Variants in GRIN2A observed in about 807,000 individuals in gnomAD.
GRIN2A encodes the protein glutamate receptor ionotropic, NMDA 2A.
A neutral mutation model predicts 113.4 loss-of-function variants in GRIN2A; 22 were observed. The ratio of observed to expected loss-of-function variants is 0.19; its 90% confidence interval spans 0.14 to 0.28. The LOEUF (loss-of-function observed/expected upper bound fraction) is 0.28, where lower values mean the gene tolerates loss of function less well. GRIN2A is among the 10% of genes least tolerant of loss of function. GRIN2A has a pLI of 1.00. For synonymous variants in GRIN2A, 827 were observed against 738.4 expected (o/e 1.12, Z -1.94); for missense variants, 1,502 against 1,887.0 (o/e 0.80, Z 3.78).
At chr16:10,110,154 T>C (rs2048585037) in intron 2 of GRIN2A, among the ~76,000 whole-genome samples, 1 of 143,786 alleles carries the variant, frequency 7.0e-6, no homozygotes, top group African/African-American at 2.6e-5. Context: ...AAAACAGAAA[T>C]AACCTGTCAA....
intron 2 of GRIN2A, among the ~76,000 whole-genome samples, chr16:10,085,002 T>C (rs994012762): frequency 7.2e-5 from 11 of 152,228 alleles, no homozygotes; most frequent in African/African-American, 2.7e-4. Context: ...TTATGTATAT[T>C]AACTCATATA....
At chr16:10,045,579 G>A (rs1596458776) in intron 2 of GRIN2A, among the ~76,000 whole-genome samples, 2 of 152,320 alleles carry the variant, frequency 1.3e-5, no homozygotes, top group African/African-American at 4.8e-5. Context: ...GTTTGGCAGT[G>A]AGCCTGATGA....
At position 10,157,009 on chromosome 16, in the gene GRIN2A, T is replaced by C. The variant is rs2049712358; in HGVS notation, c.414+22989A>G. ...GGGGCAGACTGAGGTGATTCTTGGA[T>C]GCCTGGCTAAGGGTTTAGAATTTAC... is the stretch of plus-strand genomic sequence containing the variant. On this transcript the variant is annotated intron_variant, in intron 2 of 12. Coordinates refer to ENST00000330684, the MANE Select transcript of GRIN2A (RefSeq NM_001134407.3). Among the ~76,000 whole-genome samples the C allele has an allele frequency of 1.3e-5, 2 of 152,190 alleles. 1 individual carries two copies. Among genetic ancestry groups the C allele is most frequent in the South Asian group, 4.1e-4 (2 of 4,822 alleles).
intron 2 of GRIN2A, among the ~76,000 whole-genome samples, chr16:9,973,023 G>T (rs1000249170): frequency 2.6e-5 from 4 of 152,194 alleles, no homozygotes; most frequent in African/African-American, 9.6e-5. Context: ...TCCTCCTGCT[G>T]TGAGTCCGTT....
At chr16:9,976,520 A>G (rs909097947) in intron 2 of GRIN2A, among the ~76,000 whole-genome samples, 2 of 152,186 alleles carry the variant, frequency 1.3e-5, no homozygotes, top group African/African-American at 4.8e-5. Context: ...CCTCCTCTTT[A>G]AAGTTGGCGT....
At position 9,764,379 on chromosome 16, in the gene GRIN2A, C is replaced by G. The variant is rs747468312; in HGVS notation, c.3165G>C (p.Glu1055Asp). ...SLKSPRYLPE[E>D]MAHSDISETS... ...TTTCTGAAATGTCAGAGTGGGCCAT[C>G]TCTTCTGGAAGATACCTAGGGCTCT... Residue 1055 changes from glutamate (E) to aspartate (D), a missense_variant, in exon 13 of 13, where the codon GAG (glutamate) becomes GAC (aspartate). Physicochemically the swap from Glu to Asp is conservative, Grantham distance 45 (BLOSUM62 2). Transcript: ENST00000330684. The G allele has an allele frequency of 2.5e-6, 4 of 1,614,128 alleles. No homozygotes were observed. The highest frequency in any genetic ancestry group is 3.4e-6 in the Non-Finnish European group (4 of 1,180,006).
At chr16:9,932,136 G>A (rs2044606801) in intron 3 of GRIN2A, among the ~76,000 whole-genome samples, 1 of 152,200 alleles carries the variant, frequency 6.6e-6, no homozygotes, top group Non-Finnish European at 1.5e-5. Context: ...TTGGGAGGCT[G>A]GGCCTCTACT....
chr16:9,993,749 A>T (rs1322680466), intron 2 of GRIN2A, among the ~76,000 whole-genome samples: 1 of 152,136 alleles, frequency 6.6e-6, no homozygotes, highest in Non-Finnish European at 1.5e-5. Context: ...GAGAACTCAG[A>T]CTAAAACCTA....
At chr16:10,104,613 T>G (rs1567301822) in intron 2 of GRIN2A, among the ~76,000 whole-genome samples, 1 of 152,226 alleles carries the variant, frequency 6.6e-6, no homozygotes, top group Non-Finnish European at 1.5e-5. Context: ...TCTATGTGTA[T>G]TTTTATTTTT....
chr16:10,102,512 T>A lies in GRIN2A; in HGVS notation c.414+77486A>T, dbSNP rs140870973. On this transcript the variant is annotated intron_variant, in intron 2 of 12. Coordinates refer to ENST00000330684, the MANE Select transcript of GRIN2A (RefSeq NM_001134407.3). ...TCTCTTCTTTACAAATTACCTAATG[T>A]TGGGTATTTCTTTCTTCTTTTTTTC... Among the ~76,000 whole-genome samples the A allele has an allele frequency of 8.9e-3, 1,355 of 152,154 alleles. 20 individuals are homozygous for A. Among genetic ancestry groups the A allele is most frequent in the African/African-American group, 0.031 (1,291 of 41,518 alleles).
At chr16:9,870,136 G>A (rs548739033) in intron 4 of GRIN2A, among the ~76,000 whole-genome samples, 9 of 152,230 alleles carry the variant, frequency 5.9e-5, no homozygotes, top group Admixed American at 2.0e-4. Flanking sequence ...CGGAGAAGGC[G>A]GTCCTGCCAA....
chr16:9,774,999 A>T (rs189766842), intron 11 of GRIN2A, among the ~76,000 whole-genome samples: 1 of 152,102 alleles, frequency 6.6e-6, no homozygotes, highest in East Asian at 1.9e-4. Context: ...TTGCCCTAAG[A>T]CTCATTCTCA....
intron 2 of GRIN2A, among the ~76,000 whole-genome samples, chr16:10,011,535 AAC>A (rs1418888803): frequency 1.3e-5 from 2 of 152,170 alleles, no homozygotes. Flanking sequence ...CAGGAGGAAA[AAC>A]ACAAGGTCAG....
chr16:10,055,462 T>G (rs1239380958), intron 2 of GRIN2A, among the ~76,000 whole-genome samples: 2 of 152,154 alleles, frequency 1.3e-5, no homozygotes, highest in Admixed American at 6.5e-5. Flanking sequence ...AAGAAAAGAT[T>G]TAAACACAAT....
chr16:10,088,429 G>A (rs532019259), intron 2 of GRIN2A, among the ~76,000 whole-genome samples: 11 of 152,278 alleles, frequency 7.2e-5, no homozygotes, highest in Middle Eastern at 3.4e-3. Flanking sequence ...CCCTGGCTGC[G>A]TCCTCACCTC....
rs184438219 is a variant in GRIN2A, at chr16:10,077,623, A to C, written c.414+102375T>G. Reference sequence around the variant, plus strand: ...AAACCCTGCAATGGTGTTTCAGGCAAGACCTTGCACAGTCCTACAAGGCCC... The same window carrying C: ...AAACCCTGCAATGGTGTTTCAGGCACGACCTTGCACAGTCCTACAAGGCCC... On this transcript the variant is annotated intron_variant, in intron 2 of 12. Transcript: ENST00000330684. Among the ~76,000 whole-genome samples the C allele has an allele frequency of 1.7e-3, 253 of 152,332 alleles. 1 individual carries two copies. The highest frequency in any genetic ancestry group is 3.4e-3 in the Middle Eastern group (1 of 294).
At chr16:9,915,931 C>G (rs9923108) in intron 3 of GRIN2A, among the ~76,000 whole-genome samples, 1 of 152,210 alleles carries the variant, frequency 6.6e-6, no homozygotes, top group African/African-American at 2.4e-5. Flanking sequence ...ATGCTAATTA[C>G]TGTAGATGTG....
rs200469755 is a variant in GRIN2A at position 9,769,374 on chromosome 16, A to ATATATAT, written c.2357-292_2357-286dup. The ATATATAT allele has an allele frequency of 5.6e-3, 831 of 149,502 alleles. 24 individuals carry two copies. The highest frequency in any genetic ancestry group is 0.055 in the East Asian group (281 of 5,150). 9.3% of individuals were successfully genotyped at this position (149,502 alleles called of 1,614,324 possible). ...GCAAACTTATTCTCTATTAATATGT[A>ATATATAT]TATATATTATATATTATATACATAT... On this transcript the variant is annotated intron_variant, in intron 11 of 12. Transcript: ENST00000330684.
At chr16:10,062,207 C>T (rs892481680) in intron 2 of GRIN2A, among the ~76,000 whole-genome samples, 5 of 152,148 alleles carry the variant, frequency 3.3e-5, no homozygotes, top group African/African-American at 4.8e-5. Flanking sequence ...GATAAGCTTT[C>T]TCTGTAAAAG....
Sources: gnomAD v4.1 joint callset for allele counts (sites outside exome capture counted in the v4.1 genomes callset) on GRCh38, gnomAD v4.1.1 for gene constraint, MANE v1.5 for transcripts, NCBI Gene and HGNC (gene_info 2026-07-23, HGNC 2026-07-21) for gene names.